Variants in ALMS1 observed in about 807,000 individuals in gnomAD.
The protein encoded by ALMS1 is centrosome-associated protein ALMS1.
ALMS1 carries 271 observed loss-of-function variants against 352.2 expected under a neutral mutation model. That is an observed-to-expected ratio of 0.77 (90% confidence interval 0.70 to 0.85). The LOEUF is 0.85. Ranked by LOEUF, ALMS1 falls within the 40% of genes least tolerant of loss-of-function variation. The pLI is 0.00. For missense variants in ALMS1, 5,445 were observed against 4,870.7 expected (o/e 1.12, Z -3.51); for synonymous variants, 1,865 against 1,761.2 (o/e 1.06, Z -1.48).
At chr2:73,542,762 C>T (rs1558687838) in intron 12 of ALMS1, among the ~76,000 whole-genome samples, 1 of 151,974 alleles carries the variant, frequency 6.6e-6, no homozygotes, top group Non-Finnish European at 1.5e-5. Context: ...CTCCCATTCA[C>T]AATTGCTTCA....
intron 9 of ALMS1, among the ~76,000 whole-genome samples, chr2:73,485,699 C>G (rs188245139): frequency 0.019 from 2,939 of 152,282 alleles, 110 homozygotes; most frequent in African/African-American, 0.065. Flanking sequence ...AGTTTGATCT[C>G]AGACTGCTGT....
In ALMS1 at chr2:73,423,686, A is replaced by AC. The variant is rs1671325902; in HGVS notation, c.764+713dup. 2.0e-5 allele frequency among the ~76,000 whole-genome samples: 3 copies of AC among 152,176 alleles called. No individual in the cohort carries two copies. The South Asian group carries it at 6.2e-4, about 31-fold the overall frequency. On this transcript the variant is annotated intron_variant, in intron 4 of 22. Coordinates refer to ENST00000613296, the MANE Select transcript of ALMS1 (RefSeq NM_001378454.1). ...CACTTTTATGAAAAGTGATCTATAC[A>AC]CATTAGATCATCAACTAATGATTAA...
intron 9 of ALMS1, among the ~76,000 whole-genome samples, chr2:73,483,323 G>A (rs1406905483): frequency 6.6e-4 from 94 of 141,436 alleles, no homozygotes; most frequent in African/African-American, 2.1e-3. Context: ...CCTTCATTTC[G>A]TTATGTACCC....
chr2:73,600,597 G>T (rs1042074520), intron 17 of ALMS1, 81 bp from the exon 18 acceptor site: 2 of 1,275,462 alleles, frequency 1.6e-6, no homozygotes, highest in Admixed American at 4.5e-5. Flanking sequence ...ACATTAAAAA[G>T]GGTTCACGTA....
At chr2:73,481,890 G>T (rs965473525) in intron 9 of ALMS1, among the ~76,000 whole-genome samples, 3 of 151,186 alleles carry the variant, frequency 2.0e-5, no homozygotes, top group South Asian at 2.1e-4. Context: ...TCTGTTGTTG[G>T]TGTATAAGGA....
rs183639172 is a variant in ALMS1 at position 73,550,854 on chromosome 2, T to G, written c.10078+417T>G. Among the ~76,000 whole-genome samples the G allele has an allele frequency of 7.5e-4, 114 of 152,252 alleles. 2 individuals are homozygous for G. The highest frequency in any genetic ancestry group is 2.6e-3 in the African/African-American group (108 of 41,540). On this transcript the variant is annotated intron_variant, in intron 13 of 22. Transcript: ENST00000613296. ...CTGACATGATTTTTTTTTTTTAATT[T>G]TTTTAAAGACAGGGTCTCACTCTGT...
chr2:73,538,946 C>A (rs1351833822), intron 12 of ALMS1, among the ~76,000 whole-genome samples: 1 of 152,190 alleles, frequency 6.6e-6, no homozygotes, highest in East Asian at 1.9e-4. Flanking sequence ...TCTGTAGACT[C>A]CACCTCTGGG....
intron 16 of ALMS1, among the ~76,000 whole-genome samples, chr2:73,588,618 T>C (rs1180212602): frequency 2.0e-5 from 3 of 152,062 alleles, no homozygotes; most frequent in Non-Finnish European, 2.9e-5. Context: ...GTACAAAAAG[T>C]GAAGAAAAAA....
intron 9 of ALMS1, among the ~76,000 whole-genome samples, chr2:73,459,946 T>C (rs1233986819): frequency 6.6e-6 from 1 of 152,152 alleles, no homozygotes; most frequent in African/African-American, 2.4e-5. Context: ...CCCTCTCCCC[T>C]GTAGGCCTGT....
intron 16 of ALMS1, among the ~76,000 whole-genome samples, chr2:73,586,555 G>A (rs1271038835): frequency 6.6e-6 from 1 of 152,120 alleles, no homozygotes; most frequent in Non-Finnish European, 1.5e-5. Context: ...TCAGTTGGCT[G>A]TAAGTATTTG....
intron 16 of ALMS1, among the ~76,000 whole-genome samples, chr2:73,588,767 C>T (rs1184651398): frequency 6.6e-6 from 1 of 152,124 alleles, no homozygotes; most frequent in Non-Finnish European, 1.5e-5. Flanking sequence ...AACTACCAAA[C>T]AGAGAGACCT....
chr2:73,555,832 CAT>C (rs1300073385), intron 13 of ALMS1, among the ~76,000 whole-genome samples: 1 of 152,060 alleles, frequency 6.6e-6, no homozygotes, highest in Admixed American at 6.5e-5. Context: ...GAATCAAAGA[CAT>C]ATATTAATTG....
intron 8 of ALMS1, among the ~76,000 whole-genome samples, chr2:73,454,619 A>G (rs1672021420): frequency 6.6e-6 from 1 of 152,214 alleles, no homozygotes; most frequent in African/African-American, 2.4e-5. Flanking sequence ...TTAAAAGAGA[A>G]TATTTACAAA....
At chr2:73,488,872 G>GA (rs1435314716) in intron 9 of ALMS1, among the ~76,000 whole-genome samples, 1 of 152,188 alleles carries the variant, frequency 6.6e-6, no homozygotes, top group Non-Finnish European at 1.5e-5. Flanking sequence ...TATGCGCCAG[G>GA]AAACAAGGTC....
At chr2:73,416,634 A>T (rs1163292348) in intron 2 of ALMS1, among the ~76,000 whole-genome samples, 3 of 152,200 alleles carry the variant, frequency 2.0e-5, no homozygotes. Context: ...CCCGGGAATT[A>T]AAAGATACCT....
At chr2:73,608,688 T>A in intron 22 of ALMS1, 114 bp downstream of exon 22, 1 of 845,510 alleles carries the variant, frequency 1.2e-6, no homozygotes, top group South Asian at 1.4e-5. Context: ...ATTTGAGGAA[T>A]GAACTTAGAA....
chr2:73,450,820 C>T lies in ALMS1; in HGVS notation c.4293C>T (p.His1431=). ...IPTLPSTFYS[H]TEKPGSFYQQ... The stretch of plus-strand genomic sequence containing the variant: ...CTTTACCCTCTACTTTCTACTCACA[C>T]ACAGAGAAGCCTGGTAGTTTCTACC... Residue 1431 remains histidine (H), a synonymous_variant, in exon 8 of 23, where the codon CAC becomes CAT. Coordinates refer to ENST00000613296, the MANE Select transcript of ALMS1 (RefSeq NM_001378454.1). 6.2e-7 allele frequency: 1 copy of T among 1,613,906 alleles called. No individual in the cohort carries two copies. Among genetic ancestry groups the T allele is most frequent in the Non-Finnish European group, 8.5e-7 (1 of 1,179,952 alleles).
rs576472959 is a variant in ALMS1, at chr2:73,419,179, T to C, written c.507T>C (p.Asp169=). 6.2e-7 allele frequency: 1 copy of C among 1,614,064 alleles called. No individual in the cohort carries two copies. Among genetic ancestry groups the C allele is most frequent in the African/African-American group, 1.3e-5 (1 of 75,068 alleles). ...PQEMDSSQTL[D]TSQTRFNVRT... is the part of the protein sequence containing the mutation. ...AAATGGACTCTTCCCAAACCTTGGA[T>C]ACATCCCAGACTAGGTTTAATGTGA... The change falls in exon 3 of 23, where the codon GAT becomes GAC. Residue 169 remains aspartate, a synonymous_variant. Coordinates refer to ENST00000613296, the MANE Select transcript of ALMS1 (RefSeq NM_001378454.1).
chr2:73,425,656 A>G lies in ALMS1; in HGVS notation c.1237+754A>G, dbSNP rs1042491811. ...GTAAATGAAATCCAAGCTGACATCA[A>G]TAAATATTTAACAGATGACAGCCGA... On this transcript the variant is annotated intron_variant, in intron 5 of 22. Coordinates refer to ENST00000613296, the MANE Select transcript of ALMS1 (RefSeq NM_001378454.1). Among the ~76,000 whole-genome samples, 5 of 152,222 alleles carry G rather than the reference A, an allele frequency of 3.3e-5. No homozygotes were observed. In the East Asian group the frequency reaches 5.8e-4, roughly 18 times the overall value.
Sources: gnomAD v4.1 joint callset for allele counts (sites outside exome capture counted in the v4.1 genomes callset) on GRCh38, gnomAD v4.1.1 for gene constraint, MANE v1.5 for transcripts, NCBI Gene and HGNC (gene_info 2026-07-23, HGNC 2026-07-21) for gene names.